Variants in VPS50 observed in about 807,000 individuals in gnomAD.
The protein encoded by VPS50 is syndetin.
In VPS50, 70 loss-of-function variants were observed where a neutral mutation model predicts 139.7. The observed-to-expected ratio is 0.50, with a 90% CI of 0.41 to 0.61. VPS50 has a LOEUF of 0.61. Among genes scored for constraint, VPS50 ranks in the 20% least tolerant of loss-of-function variants. VPS50 has a pLI of 0.00. For missense variants in VPS50, 921 were observed against 1,133.7 expected (o/e 0.81, Z 2.69); for synonymous variants, 365 against 376.7 (o/e 0.97, Z 0.36).
rs1385052742 is a variant in VPS50, at chr7:93,360,612, G to C, written c.*2176G>C. ...TTCAGATAAATACAATTGAAAAGCT[G>C]AGAATGTAAATGGAATTATACGTGT... On this transcript the variant is annotated 3_prime_UTR_variant, in exon 28 of 28. Coordinates refer to ENST00000305866, the MANE Select transcript of VPS50 (RefSeq NM_017667.4). 1 of 151,862 alleles carries C rather than the reference G, an allele frequency of 6.6e-6. No homozygotes were observed. Among genetic ancestry groups the C allele is most frequent in the African/African-American group, 2.4e-5 (1 of 41,358 alleles). 9.4% of individuals were successfully genotyped at this position (151,862 alleles called of 1,614,324 possible).
intron 20 of VPS50, among the ~76,000 whole-genome samples, chr7:93,318,838 C>G (rs1461668907): frequency 6.6e-6 from 1 of 152,110 alleles, no homozygotes; most frequent in Non-Finnish European, 1.5e-5. Flanking sequence ...TACAAACAAA[C>G]AACATCGGTT....
intron 17 of VPS50, among the ~76,000 whole-genome samples, chr7:93,303,855 C>T (rs1471325631): frequency 1.3e-5 from 2 of 151,760 alleles, no homozygotes; most frequent in Non-Finnish European, 3.0e-5. Flanking sequence ...AGGGTGACTG[C>T]TGTATTTAAG....
At chr7:93,245,978 T>A (rs1244390037) in intron 2 of VPS50, 1 of 650,864 alleles carries the variant, frequency 1.5e-6, no homozygotes, top group African/African-American at 1.8e-5. Context: ...TAAAATCTAT[T>A]TCTGTTCAGT....
chr7:93,352,825 A>G (rs1798597027), intron 25 of VPS50, among the ~76,000 whole-genome samples: 2 of 152,182 alleles, frequency 1.3e-5, no homozygotes, highest in African/African-American at 2.4e-5. Flanking sequence ...GTTTTTCTGT[A>G]GGTAATAGAA....
rs1314817186 is a variant in VPS50 at position 93,342,799 on chromosome 7, CAG to C, written c.2207+1226_2207+1227del. On this transcript the variant is annotated intron_variant, in intron 23 of 27. Transcript: ENST00000305866. Reference sequence around the variant, plus strand: ...GTCTGTTAGAAGGAAAACTAACAAACAGAAAGGACATCCACACCAAAAACCCA... The same window carrying C: ...GTCTGTTAGAAGGAAAACTAACAAACAAAGGACATCCACACCAAAAACCCA... Among the ~76,000 whole-genome samples, 3 of 152,320 alleles carry C rather than the reference CAG, an allele frequency of 2.0e-5. No individual in the cohort carries two copies. The East Asian group carries it at 5.8e-4, about 29-fold the overall frequency.
intron 2 of VPS50, among the ~76,000 whole-genome samples, chr7:93,247,162 A>T (rs536231839): frequency 1.3e-5 from 2 of 152,088 alleles, no homozygotes; most frequent in African/African-American, 4.8e-5. Flanking sequence ...GGAAAAACAC[A>T]GCCTCTAAAA....
chr7:93,339,611 A>G (rs1471425686), intron 22 of VPS50, among the ~76,000 whole-genome samples: 3 of 152,132 alleles, frequency 2.0e-5, no homozygotes, highest in African/African-American at 2.4e-5. Context: ...GCATTTAAAC[A>G]TTTAGTTTTG....
chr7:93,237,316 A>G (rs1794841383), intron 1 of VPS50, among the ~76,000 whole-genome samples: 1 of 152,200 alleles, frequency 6.6e-6, no homozygotes, highest in Admixed American at 6.5e-5. Flanking sequence ...GAAAGGATAG[A>G]TAAGTTGTTC....
In VPS50 at chr7:93,240,008, T is replaced by C. The variant is rs565305808; in HGVS notation, c.102+74T>C. ...ATGATTGCCTCTGGATAGTAATTGA[T>C]TCACAGAAGCTTTTCTTTCCCACAG... On this transcript the variant is annotated intron_variant, in intron 2 of 27. Transcript: ENST00000305866. The C allele has an allele frequency of 2.8e-3, 2,479 of 888,342 alleles. 2 individuals are homozygous for C. Among genetic ancestry groups the C allele is most frequent in the Non-Finnish European group, 3.9e-3 (2,088 of 539,296 alleles). 55.0% of individuals were successfully genotyped at this position (888,342 alleles called of 1,614,324 possible). A position where few individuals can be genotyped will look rare whatever the true frequency, so the allele number is the denominator to read the frequency against.
intron 10 of VPS50, 141 bp downstream of exon 10, chr7:93,271,403 A>G: frequency 7.7e-7 from 1 of 1,299,190 alleles, no homozygotes; most frequent in Non-Finnish European, 9.9e-7. Context: ...CATTTGGAAT[A>G]TCTATTTATG....
At chr7:93,259,297 A>G (rs1367062066) in intron 8 of VPS50, 1 of 307,072 alleles carries the variant, frequency 3.3e-6, no homozygotes. Flanking sequence ...TCCATAAGTC[A>G]TGGAAATGGT....
intron 21 of VPS50, among the ~76,000 whole-genome samples, chr7:93,326,168 A>G (rs1359669933): frequency 1.4e-4 from 21 of 147,284 alleles, no homozygotes; most frequent in South Asian, 2.2e-4. Context: ...GAAATTGGAA[A>G]TCATCATTCT....
At chr7:93,240,108 G>GGAT (rs1794935661) in intron 2 of VPS50, among the ~76,000 whole-genome samples, 174 bp downstream of exon 2, 1 of 151,674 alleles carries the variant, frequency 6.6e-6, no homozygotes, top group Non-Finnish European at 1.5e-5. Flanking sequence ...TTACACGTTG[G>GGAT]GATGCAGTAT....
chr7:93,296,908 T>TATC (rs1271717894), intron 15 of VPS50, 72 bp downstream of exon 15: 2 of 1,496,170 alleles, frequency 1.3e-6, no homozygotes, highest in African/African-American at 2.8e-5. Flanking sequence ...GCTAGTGAGT[T>TATC]ATCATCTATA....
intron 23 of VPS50, among the ~76,000 whole-genome samples, chr7:93,344,238 A>G (rs1483871740): frequency 1.3e-5 from 2 of 152,230 alleles, no homozygotes; most frequent in East Asian, 3.8e-4. Context: ...AAAGAAGGCC[A>G]TTACTTAATG....
intron 21 of VPS50, among the ~76,000 whole-genome samples, chr7:93,332,999 A>G (rs1276187340): frequency 6.6e-6 from 1 of 152,120 alleles, no homozygotes; most frequent in East Asian, 1.9e-4. Flanking sequence ...GACATTTTTA[A>G]GGGGGAGGGA....
intron 14 of VPS50, 25 bp from the exon 15 acceptor site, chr7:93,296,717 G>T: frequency 6.3e-7 from 1 of 1,595,846 alleles, no homozygotes; most frequent in South Asian, 1.1e-5. Context: ...GGGTTTGCTT[G>T]ATTTTCTTTT....
chr7:93,296,645 CTG>C (rs1160554856), intron 14 of VPS50, 95 bp from the exon 15 acceptor site: 3 of 1,503,262 alleles, frequency 2.0e-6, no homozygotes, highest in Non-Finnish European at 2.6e-6. Context: ...GAATATATTC[CTG>C]TCTCATTTTA....
At chr7:93,250,127 C>A (rs1466468591) in intron 2 of VPS50, among the ~76,000 whole-genome samples, 1 of 151,820 alleles carries the variant, frequency 6.6e-6, no homozygotes, top group African/African-American at 2.4e-5. Flanking sequence ...ATTTTCTTTT[C>A]CAAGCATATT....
Sources: gnomAD v4.1 joint callset for allele counts (sites outside exome capture counted in the v4.1 genomes callset) on GRCh38, gnomAD v4.1.1 for gene constraint, MANE v1.5 for transcripts, NCBI Gene and HGNC (gene_info 2026-07-23, HGNC 2026-07-21) for gene names.